The following PRKN variants were observed in gnomAD, a reference collection of about 807,000 sequenced individuals.
PRKN encodes the protein E3 ubiquitin-protein ligase parkin.
In PRKN, 56 loss-of-function variants were observed where a neutral mutation model predicts 59.5. That is an observed-to-expected ratio of 0.94 (90% CI 0.76 to 1.18). The LOEUF (loss-of-function observed/expected upper bound fraction) is 1.18. Ranked by LOEUF, PRKN falls within the 50% of genes most tolerant of loss-of-function variation. The pLI, the probability that PRKN is intolerant of heterozygous loss-of-function variation, is 0.00. For missense variants in PRKN, 657 were observed against 596.4 expected, an observed-to-expected ratio of 1.10 and a Z score of -1.06; for synonymous variants, 250 against 222.1, an observed-to-expected ratio of 1.13 and a Z score of -1.12.
At chr6:162,224,964 C>T (rs889003820) in intron 3 of PRKN, among the ~76,000 whole-genome samples, 3 of 152,144 alleles carry the variant, frequency 2.0e-5, no homozygotes, top group African/African-American at 7.2e-5. Flanking sequence ...GAGAGACAGG[C>T]CTGTTGTCTT....
At chr6:161,900,757 AAAT>A (rs1305615157) in intron 6 of PRKN, among the ~76,000 whole-genome samples, 1 of 117,946 alleles carries the variant, frequency 8.5e-6, no homozygotes, top group Non-Finnish European at 1.6e-5. Context: ...TATTAAATAT[AAAT>A]ATATACAACA....
chr6:162,249,851 C>T (rs917805771), intron 3 of PRKN, among the ~76,000 whole-genome samples: 1 of 151,952 alleles, frequency 6.6e-6, no homozygotes. Flanking sequence ...CAAAACAAAA[C>T]GAAACCTTTG....
In PRKN at chr6:161,348,191, G is replaced by A. The variant is rs903393231; in HGVS notation, c.*1908C>T. ...ACAGAAGGGAGCCACCTGATTTGTC[G>A]CATCGGGCCAGTGTAAGGAAGTGTA... On this transcript the variant is annotated 3_prime_UTR_variant, in exon 12 of 12. Transcript: ENST00000366898. The surrounding 1 kb of genome is among the most constrained non-coding windows in gnomAD (Gnocchi z 4.9). The A allele has an allele frequency of 7.4e-5, 15 of 203,238 alleles. No individual in the cohort carries two copies. Among genetic ancestry groups the A allele is most frequent in the African/African-American group, 2.5e-4 (11 of 43,476 alleles). 12.6% of individuals were successfully genotyped at this position (203,238 alleles called of 1,614,324 possible).
intron 1 of PRKN, among the ~76,000 whole-genome samples, chr6:162,504,411 AAC>A (rs1277567651): frequency 2.0e-5 from 3 of 152,218 alleles, no homozygotes; most frequent in Non-Finnish European, 4.4e-5. Flanking sequence ...GGAGGATAAA[AAC>A]ACACAAAAAA....
At chr6:161,351,406 C>A (rs1467826702) in intron 11 of PRKN, among the ~76,000 whole-genome samples, 1 of 151,346 alleles carries the variant, frequency 6.6e-6, no homozygotes, top group Non-Finnish European at 1.5e-5. Context: ...CTCACTGCAA[C>A]CCCCACCTCC....
At chr6:161,642,916 A>G (rs1288611108) in intron 7 of PRKN, among the ~76,000 whole-genome samples, 3 of 152,212 alleles carry the variant, frequency 2.0e-5, no homozygotes, top group Admixed American at 1.3e-4. Context: ...TTTATTTTTT[A>G]AAGCATAGAT....
intron 7 of PRKN, among the ~76,000 whole-genome samples, chr6:161,725,495 A>G (rs557028817): frequency 9.2e-5 from 14 of 152,332 alleles, no homozygotes; most frequent in Non-Finnish European, 1.8e-4. Flanking sequence ...GTGATTTGCT[A>G]AAGGCACAGG....
At chr6:161,961,873 A>G (rs528803086) in intron 6 of PRKN, among the ~76,000 whole-genome samples, 1 of 152,310 alleles carries the variant, frequency 6.6e-6, no homozygotes, top group South Asian at 2.1e-4. Flanking sequence ...TGATACTGAT[A>G]TAATAGAATG....
intron 6 of PRKN, among the ~76,000 whole-genome samples, chr6:161,872,661 A>G (rs1484750956): frequency 6.6e-6 from 1 of 152,050 alleles, no homozygotes; most frequent in Non-Finnish European, 1.5e-5. Context: ...TGGGCTTAGC[A>G]GCAGCCAGCT....
Position 161,871,564 on chromosome 6 carries a change from T to C in PRKN, c.735-85656A>G, listed in dbSNP as rs145413800. Among the ~76,000 whole-genome samples the C allele has an allele frequency of 3.1e-4, 47 of 152,314 alleles. No homozygotes were observed. The East Asian group carries it at 7.3e-3, about 24-fold the overall frequency. ...CAATCCTAGACTCTACAAAGAATGA[T>C]AGGATATTCTCAGGGATCGCTTTGC... On this transcript the variant is annotated intron_variant, in intron 6 of 11. Coordinates refer to ENST00000366898, the MANE Select transcript of PRKN (RefSeq NM_004562.3).
At chr6:161,798,954 G>C (rs1393126294) in intron 6 of PRKN, among the ~76,000 whole-genome samples, 1 of 152,134 alleles carries the variant, frequency 6.6e-6, no homozygotes, top group Non-Finnish European at 1.5e-5. Context: ...CAGGTCCCCG[G>C]GGTACTCACC....
chr6:162,183,782 C>T (rs193204338), intron 4 of PRKN, among the ~76,000 whole-genome samples: 59 of 152,232 alleles, frequency 3.9e-4, no homozygotes, highest in Non-Finnish European at 4.4e-4. Flanking sequence ...CGCAGTATGC[C>T]GCCCCTCGAT....
chr6:162,518,133 C>T (rs1777941388), intron 1 of PRKN, among the ~76,000 whole-genome samples: 1 of 152,116 alleles, frequency 6.6e-6, no homozygotes, highest in Admixed American at 6.6e-5. Flanking sequence ...GATAAAACAA[C>T]ACATTTATGG....
chr6:162,198,220 G>A (rs1784576217), intron 4 of PRKN, among the ~76,000 whole-genome samples: 1 of 152,104 alleles, frequency 6.6e-6, no homozygotes, highest in African/African-American at 2.4e-5. Context: ...AAAAATCCCA[G>A]GTGGTCACAT....
At chr6:162,335,656 T>C (rs1385246239) in intron 2 of PRKN, among the ~76,000 whole-genome samples, 1 of 152,200 alleles carries the variant, frequency 6.6e-6, no homozygotes, top group Non-Finnish European at 1.5e-5. Context: ...TTTTTGAATG[T>C]AATAAACTTA....
At chr6:162,684,425 G>T (rs1779889286) in intron 1 of PRKN, among the ~76,000 whole-genome samples, 1 of 152,104 alleles carries the variant, frequency 6.6e-6, no homozygotes, top group Non-Finnish European at 1.5e-5. Context: ...ATTATTAAAT[G>T]TTACTTAGAG....
intron 3 of PRKN, among the ~76,000 whole-genome samples, chr6:162,255,990 A>G (rs955005894): frequency 9.2e-5 from 14 of 152,176 alleles, no homozygotes; most frequent in African/African-American, 2.7e-4. Flanking sequence ...CACAGAAAAG[A>G]TTGAGCATTA....
chr6:161,853,509 T>G (rs967791116), intron 6 of PRKN, among the ~76,000 whole-genome samples: 1 of 152,202 alleles, frequency 6.6e-6, no homozygotes, highest in Non-Finnish European at 1.5e-5. Flanking sequence ...AGATAATATG[T>G]TTTTGCTTTT....
intron 6 of PRKN, among the ~76,000 whole-genome samples, chr6:161,918,894 C>T (rs551957727): frequency 6.6e-6 from 1 of 152,178 alleles, no homozygotes; most frequent in Admixed American, 6.5e-5. Context: ...AGTAGAGAAA[C>T]TAGAAACCAA....
Sources: gnomAD v4.1 joint callset for allele counts (sites outside exome capture counted in the v4.1 genomes callset) on GRCh38, gnomAD v4.1.1 for gene constraint, Gnocchi (gnomAD v3.1) non-coding constraint, MANE v1.5 for transcripts, NCBI Gene and HGNC (gene_info 2026-07-23, HGNC 2026-07-21) for gene names.